Variants in SOX5 observed in about 807,000 individuals in gnomAD.
SOX5 encodes transcription factor SOX-5.
SOX5 carries 9 observed loss-of-function variants against 92.0 expected under a neutral mutation model. The observed-to-expected ratio is 0.10, with a 90% CI of 0.06 to 0.17. The LOEUF (loss-of-function observed/expected upper bound fraction) is 0.17. SOX5 is among the 10% of genes least tolerant of loss of function. The pLI, the probability that SOX5 is intolerant of heterozygous loss-of-function variation, is 1.00. For missense variants in SOX5, 642 were observed against 944.5 expected (o/e 0.68, Z 4.20); for synonymous variants, 344 against 336.3 (o/e 1.02, Z -0.25).
chr12:24,340,197 GT>G (rs984947003), intron 2 of SOX5, among the ~76,000 whole-genome samples: 3 of 152,088 alleles, frequency 2.0e-5, no homozygotes, highest in African/African-American at 2.4e-5. Context: ...ACATACAAAC[GT>G]TTTTTTCTGT....
intron 4 of SOX5, among the ~76,000 whole-genome samples, chr12:24,135,624 C>T (rs1361516730): frequency 6.6e-6 from 1 of 152,156 alleles, no homozygotes; most frequent in Non-Finnish European, 1.5e-5. Flanking sequence ...AAATAAATGT[C>T]ACTTATAATA....
rs1311137587 is a variant in SOX5 at position 23,911,705 on chromosome 12, T to C, written c.39-15681A>G. Among the ~76,000 whole-genome samples the C allele has an allele frequency of 3.3e-5, 5 of 152,144 alleles. No individual in the cohort carries two copies. In the East Asian group the frequency reaches 7.7e-4, roughly 23 times the overall value. Reference sequence around the variant, plus strand: ...ATATTCATGAACTTTGGTTTCAAAGTGGTTTGAATGACTCCCACTAATTAT... The same window carrying C: ...ATATTCATGAACTTTGGTTTCAAAGCGGTTTGAATGACTCCCACTAATTAT... On this transcript the variant is annotated intron_variant, in intron 1 of 14. Transcript: ENST00000451604.
chr12:23,540,784 A>AT (rs1941858632), intron 13 of SOX5, among the ~76,000 whole-genome samples: 1 of 152,198 alleles, frequency 6.6e-6, no homozygotes, highest in Non-Finnish European at 1.5e-5. Flanking sequence ...GTCAACTACG[A>AT]TCCCCAGAGA....
Position 23,556,849 on chromosome 12 carries a change from T to A in SOX5, c.1488+6409A>T, listed in dbSNP as rs192204721. ...AAGGGAAGGAGCATGTGTTAGATAA[T>A]GCTGAACTACATACACTGTGTCAGT... On this transcript the variant is annotated intron_variant, in intron 11 of 14. Coordinates refer to ENST00000451604, the MANE Select transcript of SOX5 (RefSeq NM_006940.6). 8.5e-5 allele frequency among the ~76,000 whole-genome samples: 13 copies of A among 152,286 alleles called. No homozygotes were observed. The East Asian group carries it at 2.5e-3, about 29-fold the overall frequency.
chr12:23,854,341 G>A (rs1234847733), intron 2 of SOX5, among the ~76,000 whole-genome samples: 1 of 151,950 alleles, frequency 6.6e-6, no homozygotes, highest in East Asian at 1.9e-4. Flanking sequence ...TATAATGGCA[G>A]CAAAGCAGTA....
rs1461003736 is a variant in SOX5, at chr12:23,858,038, G to GT, written c.271-11846dup. On this transcript the variant is annotated intron_variant, in intron 2 of 14. Coordinates refer to ENST00000451604, the MANE Select transcript of SOX5 (RefSeq NM_006940.6). ...CATGAGCCACCATTCCCGGCCAAGA[G>GT]TTTTTTTTATTTGTAATTTAATATG... is the stretch of plus-strand genomic sequence containing the variant. 2.1e-4 allele frequency among the ~76,000 whole-genome samples: 31 copies of GT among 151,058 alleles called. 1 individual carries two copies. The highest frequency in any genetic ancestry group is 1.1e-3 in the South Asian group (5 of 4,724).
chr12:24,056,056 G>A (rs764639476), intron 4 of SOX5, among the ~76,000 whole-genome samples: 8 of 152,026 alleles, frequency 5.3e-5, no homozygotes, highest in Non-Finnish European at 1.2e-4. Flanking sequence ...TTTAAACATC[G>A]TTGTGCCATG....
At chr12:23,896,463 AT>A (rs1236832319) in intron 1 of SOX5, among the ~76,000 whole-genome samples, 6 of 152,220 alleles carry the variant, frequency 3.9e-5, no homozygotes, top group African/African-American at 1.4e-4. Context: ...TAGACTCAAT[AT>A]ATAAATGATT....
rs190891303 is a variant in SOX5, at chr12:24,384,631, T to C, written c.-250-15992A>G. ...AAATTGCAAAGAAGGAAAATGAAGTTAATGCTCATTTTACTGTTGCACCTG... is the reference window on the plus strand; with the variant it reads ...AAATTGCAAAGAAGGAAAATGAAGTCAATGCTCATTTTACTGTTGCACCTG... On this transcript the variant is annotated intron_variant, in intron 1 of 4. Coordinates refer to the SOX5 transcript ENST00000446891. 3.0e-4 allele frequency among the ~76,000 whole-genome samples: 45 copies of C among 152,260 alleles called. No homozygotes were observed. The East Asian group carries it at 5.6e-3, about 19-fold the overall frequency.
chr12:24,440,594 T>TTGTGTGTGTGTGTG (rs56082162), intron 1 of SOX5, among the ~76,000 whole-genome samples: 21 of 139,730 alleles, frequency 1.5e-4, no homozygotes, highest in African/African-American at 5.1e-4. Flanking sequence ...ACATGATCCT[T>TTGTGTGTGTGTGTG]TGTGTGTGTG....
At chr12:24,556,893 A>G (rs2883338) in intron 1 of SOX5, among the ~76,000 whole-genome samples, 2 of 152,142 alleles carry the variant, frequency 1.3e-5, no homozygotes, top group Non-Finnish European at 2.9e-5. Flanking sequence ...TTAGACTCAA[A>G]TAAGTTCAAA....
intron 1 of SOX5, among the ~76,000 whole-genome samples, chr12:24,404,902 C>T (rs988938100): frequency 1.8e-4 from 28 of 151,946 alleles, no homozygotes; most frequent in African/African-American, 6.3e-4. Context: ...GGCCTTAATC[C>T]AGTATAACTG....
intron 7 of SOX5, among the ~76,000 whole-genome samples, chr12:23,652,570 C>T (rs1470172363): frequency 1.3e-5 from 2 of 150,372 alleles, no homozygotes; most frequent in African/African-American, 5.0e-5. Flanking sequence ...TAAGCTCCAC[C>T]TTCACATGTA....
chr12:23,930,276 A>T (rs1941098429), intron 1 of SOX5, among the ~76,000 whole-genome samples: 1 of 151,834 alleles, frequency 6.6e-6, no homozygotes, highest in Non-Finnish European at 1.5e-5. Flanking sequence ...ATTTACCTGA[A>T]TGTAGCAATT....
intron 3 of SOX5, among the ~76,000 whole-genome samples, chr12:23,814,423 G>A (rs1283121089): frequency 6.6e-6 from 1 of 152,172 alleles, no homozygotes; most frequent in Non-Finnish European, 1.5e-5. Context: ...CCTGTAGAAA[G>A]CAGTGGAAAA....
chr12:23,761,774 G>A (rs1008837516), intron 3 of SOX5, among the ~76,000 whole-genome samples: 8 of 152,058 alleles, frequency 5.3e-5, no homozygotes, highest in African/African-American at 1.9e-4. Flanking sequence ...GGTACTGTGG[G>A]CTAGTCTGTT....
intron 4 of SOX5, among the ~76,000 whole-genome samples, chr12:24,195,494 T>C (rs1956925287): frequency 6.6e-6 from 1 of 152,220 alleles, no homozygotes; most frequent in Admixed American, 6.5e-5. Flanking sequence ...TTGATCATCT[T>C]TATCATACAT....
chr12:24,360,610 G>GT (rs1955437212), intron 2 of SOX5, among the ~76,000 whole-genome samples: 1 of 152,162 alleles, frequency 6.6e-6, no homozygotes, highest in Admixed American at 6.5e-5. Flanking sequence ...CAGCCTCGAG[G>GT]TTTTTTGTCT....
At chr12:24,013,727 C>A (rs1490731658) in intron 4 of SOX5, among the ~76,000 whole-genome samples, 1 of 152,048 alleles carries the variant, frequency 6.6e-6, no homozygotes. Context: ...ATTTTTAAGG[C>A]TGAAGTTTGA....
Sources: allele counts gnomAD v4.1 joint callset (sites outside exome capture counted in the v4.1 genomes callset), GRCh38; gene constraint gnomAD v4.1.1; transcripts MANE v1.5; gene names NCBI Gene and HGNC (gene_info 2026-07-23, HGNC 2026-07-21).